SCAPER: variants seen among roughly 807,000 people sequenced by gnomAD.
SCAPER encodes S-phase cyclin A associated protein in the ER, also known as S phase cyclin A-associated protein in the endoplasmic reticulum.
SCAPER carries 98 observed loss-of-function variants against 182.2 expected under a neutral mutation model. The ratio of observed to expected loss-of-function variants is 0.54; its 90% CI spans 0.46 to 0.64. SCAPER has a LOEUF of 0.64. Ranked by LOEUF, SCAPER falls within the 30% of genes least tolerant of loss-of-function variation. The pLI, the probability that SCAPER is intolerant of heterozygous loss-of-function variation, is 0.00. For missense variants in SCAPER, 1,432 were observed against 1,690.0 expected (o/e 0.85, Z 2.68); for synonymous variants, 605 against 564.6 (o/e 1.07, Z -1.01).
chr15:76,426,515 T>C (rs946542167), intron 26 of SCAPER, among the ~76,000 whole-genome samples: 7 of 152,204 alleles, frequency 4.6e-5, no homozygotes, highest in African/African-American at 1.2e-4. Flanking sequence ...GAGCTGTTCC[T>C]ATTTGGCCAT....
chr15:76,590,235 T>C (rs975050978), intron 22 of SCAPER, among the ~76,000 whole-genome samples: 1 of 152,224 alleles, frequency 6.6e-6, no homozygotes, highest in Non-Finnish European at 1.5e-5. Flanking sequence ...CTAGATAGAA[T>C]GTTATAAGTT....
At chr15:76,516,835 A>G (rs1049431831) in intron 23 of SCAPER, among the ~76,000 whole-genome samples, 1 of 152,156 alleles carries the variant, frequency 6.6e-6, no homozygotes, top group African/African-American at 2.4e-5. Context: ...CAGGAACCCA[A>G]ATTTTACTTT....
intron 30 of SCAPER, among the ~76,000 whole-genome samples, chr15:76,352,037 C>T (rs1432676588): frequency 6.6e-6 from 1 of 152,076 alleles, no homozygotes; most frequent in Non-Finnish European, 1.5e-5. Flanking sequence ...ATCCTGATAT[C>T]ATTTGTATCA....
chr15:76,475,545 T>G (rs554469744), intron 24 of SCAPER, among the ~76,000 whole-genome samples: 147 of 152,330 alleles, frequency 9.7e-4, no homozygotes, highest in African/African-American at 3.4e-3. Context: ...ACTCCTGACC[T>G]CAGGTGATCA....
At position 76,594,795 on chromosome 15, in the gene SCAPER, C is replaced by A. The variant is rs2049374976; in HGVS notation, c.2712-20511G>T. On this transcript the variant is annotated intron_variant, in intron 22 of 31. Coordinates refer to ENST00000563290, the MANE Select transcript of SCAPER (RefSeq NM_020843.4). ...TAAATGCTGAGCGATTTTGTCACCA[C>A]CAGGCCTGCCTTACAAGAGCTCCTG... 2.5e-5 allele frequency among the ~76,000 whole-genome samples: 3 copies of A among 121,092 alleles called. 1 individual carries two copies. The highest frequency in any genetic ancestry group is 2.0e-5 in the Non-Finnish European group (1 of 49,948). 79.4% of individuals were successfully genotyped at this position (121,092 alleles called of 152,430 possible). A position where few individuals can be genotyped will look rare whatever the true frequency, so the allele number is the denominator to read the frequency against.
At chr15:76,531,645 A>G (rs1429680060) in intron 23 of SCAPER, among the ~76,000 whole-genome samples, 3 of 150,500 alleles carry the variant, frequency 2.0e-5, no homozygotes, top group Admixed American at 6.6e-5. Flanking sequence ...ATGTGTAAAT[A>G]TATGTTAAAA....
chr15:76,440,913 TTTTTG>T lies in SCAPER; in HGVS notation c.3079-6608_3079-6604del, dbSNP rs1303567627. Among the ~76,000 whole-genome samples the T allele has an allele frequency of 1.5e-3, 93 of 60,962 alleles. 19 individuals are homozygous for T. The highest frequency in any genetic ancestry group is 2.6e-3 in the Non-Finnish European group (71 of 27,456). The allele number at this position is 60,962 out of a possible 152,430, so 40.0% of individuals were successfully genotyped here. ...TAAAATTATTCCCCTTCTGGTTTTT[TTTTTG>T]TTTTTTTTTTTTTTTTTTTTGGGGA... is the stretch of plus-strand genomic sequence containing the variant. On this transcript the variant is annotated intron_variant, in intron 25 of 31. Transcript: ENST00000563290.
intron 21 of SCAPER, among the ~76,000 whole-genome samples, chr15:76,634,477 A>G (rs2053424485): frequency 6.6e-6 from 1 of 152,082 alleles, no homozygotes; most frequent in Middle Eastern, 3.2e-3. Flanking sequence ...CATTTCTACA[A>G]AAGAGGCTAT....
intron 16 of SCAPER, among the ~76,000 whole-genome samples, chr15:76,731,085 C>T (rs1211741663): frequency 6.6e-6 from 1 of 152,108 alleles, no homozygotes; most frequent in African/African-American, 2.4e-5. Flanking sequence ...AAGCACCCTG[C>T]AAAGGGTAGG....
chr15:76,377,609 T>C (rs1464843805), intron 28 of SCAPER, among the ~76,000 whole-genome samples: 3 of 152,234 alleles, frequency 2.0e-5, no homozygotes, highest in African/African-American at 7.2e-5. Context: ...TCAAACTGAA[T>C]GCAATATACA....
At chr15:76,571,456 T>C (rs896191594) in intron 23 of SCAPER, among the ~76,000 whole-genome samples, 1 of 152,156 alleles carries the variant, frequency 6.6e-6, no homozygotes, top group Non-Finnish European at 1.5e-5. Flanking sequence ...CTGAAATGCA[T>C]AGTAAGTACT....
chr15:76,612,308 G>A (rs557430089), intron 22 of SCAPER, among the ~76,000 whole-genome samples: 5 of 152,194 alleles, frequency 3.3e-5, no homozygotes, highest in African/African-American at 1.2e-4. Flanking sequence ...TGCAATTTCG[G>A]CTCACTGCAG....
intron 30 of SCAPER, among the ~76,000 whole-genome samples, chr15:76,353,120 C>G (rs926713533): frequency 6.6e-6 from 1 of 152,108 alleles, no homozygotes; most frequent in Non-Finnish European, 1.5e-5. Flanking sequence ...CTATCATATC[C>G]TTTTGACAGA....
intron 7 of SCAPER, among the ~76,000 whole-genome samples, chr15:76,795,642 TGGG>T (rs2065271871): frequency 6.6e-6 from 1 of 152,144 alleles, no homozygotes; most frequent in Non-Finnish European, 1.5e-5. Context: ...GTATAACATA[TGGG>T]AATAAACAGA....
intron 23 of SCAPER, among the ~76,000 whole-genome samples, chr15:76,569,182 A>T (rs527472316): frequency 1.3e-5 from 2 of 152,160 alleles, no homozygotes; most frequent in African/African-American, 2.4e-5. Flanking sequence ...TTTTGCTATA[A>T]TTTTTTTGGT....
intron 8 of SCAPER, among the ~76,000 whole-genome samples, chr15:76,781,154 G>A (rs142547558): frequency 1.4e-3 from 210 of 152,214 alleles, no homozygotes; most frequent in Non-Finnish European, 1.7e-3. Flanking sequence ...AAGGTTCCAC[G>A]AATGCCTAAC....
rs183775059 is a variant in SCAPER at position 76,415,370 on chromosome 15, T to C, written c.3312-10691A>G. Among the ~76,000 whole-genome samples, 33 of 152,282 alleles carry C rather than the reference T, an allele frequency of 2.2e-4. No homozygotes were observed. The East Asian group carries it at 5.6e-3, about 26-fold the overall frequency. On this transcript the variant is annotated intron_variant, in intron 26 of 31. Transcript: ENST00000563290. Reference sequence around the variant, plus strand: ...TCCATAAATTACTCCTTTAGGTATATACCCTTGAGAAACTCTGTACAAGTA... The same window carrying C: ...TCCATAAATTACTCCTTTAGGTATACACCCTTGAGAAACTCTGTACAAGTA...
chr15:76,442,483 G>C (rs1397838504), intron 25 of SCAPER, among the ~76,000 whole-genome samples: 1 of 152,188 alleles, frequency 6.6e-6, no homozygotes, highest in Non-Finnish European at 1.5e-5. Flanking sequence ...GGAGGCCTGA[G>C]TCTCTCTCAT....
intron 21 of SCAPER, among the ~76,000 whole-genome samples, chr15:76,653,054 T>A (rs2055308512): frequency 6.6e-6 from 1 of 152,020 alleles, no homozygotes; most frequent in Admixed American, 6.5e-5. Flanking sequence ...TGAACAGAAA[T>A]CAGTAGCATT....
Sources: allele counts gnomAD v4.1 joint callset (sites outside exome capture counted in the v4.1 genomes callset), GRCh38; gene constraint gnomAD v4.1.1; transcripts MANE v1.5; gene names NCBI Gene and HGNC (gene_info 2026-07-23, HGNC 2026-07-21).